MYO18B: variants seen among roughly 807,000 people sequenced by gnomAD.
MYO18B encodes the protein unconventional myosin-XVIIIb.
Under a neutral mutation model 273.0 loss-of-function variants are expected in MYO18B, and 204 were observed. That is an observed-to-expected ratio of 0.75 (90% CI 0.67 to 0.84). The LOEUF is 0.84. MYO18B is among the 40% of genes least tolerant of loss of function. The probability of loss-of-function intolerance (pLI) is 0.00; values close to 1 mark genes in which losing one functional copy is unlikely to be tolerated. For missense variants in MYO18B, 3,212 were observed against 3,287.6 expected (o/e 0.98, Z 0.56); for synonymous variants, 1,330 against 1,305.7 (o/e 1.02, Z -0.40).
At chr22:25,755,664 C>G (rs549913128) in intron 1 of MYO18B, among the ~76,000 whole-genome samples, 4 of 152,296 alleles carry the variant, frequency 2.6e-5, no homozygotes, top group Non-Finnish European at 4.4e-5. Context: ...TTGGTGCCCA[C>G]CCTGGGTTAA....
chr22:25,777,629 T>C lies in MYO18B; in HGVS notation c.1916T>C (p.Met639Thr), dbSNP rs2086966847. 3 of 1,609,838 alleles carry C rather than the reference T, an allele frequency of 1.9e-6. No individual in the cohort carries two copies. The highest frequency in any genetic ancestry group is 4.5e-5 in the East Asian group (2 of 44,760). Residue 639 changes from methionine (M) to threonine (T), a missense_variant, in exon 8 of 44, where the codon ATG (methionine) becomes ACG (threonine). Met to Thr is a moderately conservative substitution (Grantham distance 81). Transcript: ENST00000335473. Reference protein sequence around the residue: ...RDGLPAHIGSMAQRAYWALLN... With the variant: ...RDGLPAHIGSTAQRAYWALLN... ...GGCCTGCCTGCCCACATTGGCTCCA[T>C]GGCACAGCGGGCATACTGGGCGCTG...
intron 17 of MYO18B, among the ~76,000 whole-genome samples, chr22:25,836,712 G>A (rs1193027152): frequency 6.6e-6 from 1 of 152,096 alleles, no homozygotes; most frequent in Non-Finnish European, 1.5e-5. Flanking sequence ...TGTAATCACA[G>A]CACTTTGGGA....
At chr22:25,916,748 G>A (rs1215981996) in intron 33 of MYO18B, among the ~76,000 whole-genome samples, 2 of 152,102 alleles carry the variant, frequency 1.3e-5, no homozygotes, top group East Asian at 1.9e-4. Flanking sequence ...AGGATTGTGT[G>A]TGGCTGGGCA....
chr22:25,874,487 A>C, intron 23 of MYO18B, 73 bp downstream of exon 23: 1 of 1,539,164 alleles, frequency 6.5e-7, no homozygotes, highest in Non-Finnish European at 8.8e-7. Context: ...CCTGTCTTTC[A>C]GGATGATACC....
At chr22:25,769,859 A>ATT (rs57200528) in intron 4 of MYO18B, among the ~76,000 whole-genome samples, 77 of 144,834 alleles carry the variant, frequency 5.3e-4, no homozygotes, top group African/African-American at 1.6e-3. Context: ...TTTATGTAGT[A>ATT]TTTTTTTTTT....
intron 41 of MYO18B, 22 bp from the exon 42 acceptor site, chr22:26,004,696 G>T: frequency 6.2e-7 from 1 of 1,612,642 alleles, no homozygotes; most frequent in Non-Finnish European, 8.5e-7. Context: ...TGTGCTGATG[G>T]TGTCCTGCAA....
chr22:25,908,186 A>G, intron 31 of MYO18B, 136 bp from the exon 32 acceptor site: 1 of 663,224 alleles, frequency 1.5e-6, no homozygotes, highest in African/African-American at 1.8e-5. Context: ...ATCTTCCAGG[A>G]TGCCTAGGGC....
intron 21 of MYO18B, among the ~76,000 whole-genome samples, chr22:25,867,508 T>G (rs1258244687): frequency 1.3e-5 from 2 of 152,242 alleles, no homozygotes; most frequent in Non-Finnish European, 2.9e-5. Flanking sequence ...ATAGACCACA[T>G]AGTGTTTATC....
At chr22:25,808,060 C>T (rs924820706) in intron 12 of MYO18B, among the ~76,000 whole-genome samples, 3 of 152,122 alleles carry the variant, frequency 2.0e-5, no homozygotes, top group Admixed American at 6.5e-5. Context: ...TGGAATGGCT[C>T]CTGAGACTTT....
In MYO18B at chr22:26,004,840, G is replaced by T. The variant is rs747093123; in HGVS notation, c.6455G>T (p.Arg2152Leu). ...TPSRQSATSS[R>L]ILSPRINEEA... Reference sequence around the variant, plus strand: ...TCTCGACAGTCAGCCACCAGCAGCCGCATCCTCAGCCCCAGGTAAGAGTAT... The same window carrying T: ...TCTCGACAGTCAGCCACCAGCAGCCTCATCCTCAGCCCCAGGTAAGAGTAT... Residue 2152 changes from arginine (R) to leucine (L), a missense_variant, in exon 42 of 44, where the codon CGC (arginine) becomes CTC (leucine). Transcript: ENST00000335473. 6.2e-7 allele frequency: 1 copy of T among 1,613,434 alleles called. No individual in the cohort carries two copies.
intron 12 of MYO18B, among the ~76,000 whole-genome samples, chr22:25,806,183 C>T (rs956428318): frequency 2.6e-5 from 4 of 152,080 alleles, no homozygotes; most frequent in Non-Finnish European, 5.9e-5. Context: ...AATGGAGGTG[C>T]GATGAGGGAT....
At chr22:25,992,219 G>A in intron 39 of MYO18B, 144 bp from the exon 40 acceptor site, 1 of 925,566 alleles carries the variant, frequency 1.1e-6, no homozygotes, top group Non-Finnish European at 1.6e-6. Context: ...TGTCCGCAGA[G>A]AGAGCCTCTC....
At chr22:25,800,959 G>A (rs1375685189) in intron 12 of MYO18B, among the ~76,000 whole-genome samples, 2 of 152,192 alleles carry the variant, frequency 1.3e-5, no homozygotes, top group Non-Finnish European at 2.9e-5. Context: ...AAGAGCTGCC[G>A]TCAGTCTGCC....
intron 36 of MYO18B, among the ~76,000 whole-genome samples, chr22:25,949,710 CAAAG>C (rs1427098502): frequency 2.0e-5 from 3 of 152,152 alleles, no homozygotes; most frequent in Non-Finnish European, 4.4e-5. Context: ...ATTTTTGCCT[CAAAG>C]AGAGGTTAAT....
chr22:26,054,836 GAGA>G, the MYO18B span, among the ~76,000 whole-genome samples: 1 of 152,212 alleles, frequency 6.6e-6, no homozygotes, highest in Non-Finnish European at 1.5e-5. Flanking sequence ...CCTTAGTCCA[GAGA>G]CTGTGCCTCT....
Position 25,843,819 on chromosome 22 carries a change from T to A in MYO18B, c.3293T>A (p.Leu1098His). Residue 1098 changes from leucine (L) to histidine (H), a missense_variant, in exon 18 of 44, where the codon CTC (leucine) becomes CAC (histidine). By Grantham distance (99) the Leu-to-His change is moderately conservative. Transcript: ENST00000335473. Reference sequence around the variant, plus strand: ...GGATGGGACCCTGTGCGGTACGACCTCACGGGCTGGCTCCACAGAGCCAAG... The same window carrying A: ...GGATGGGACCCTGTGCGGTACGACCACACGGGCTGGCTCCACAGAGCCAAG... ...QLGWDPVRYD[L>H]TGWLHRAKPN... 6.2e-7 allele frequency: 1 copy of A among 1,613,868 alleles called. No individual in the cohort carries two copies. Among genetic ancestry groups the A allele is most frequent in the Non-Finnish European group, 8.5e-7 (1 of 1,179,758 alleles).
chr22:25,841,737 C>T (rs1244159067), intron 17 of MYO18B, among the ~76,000 whole-genome samples: 1 of 152,234 alleles, frequency 6.6e-6, no homozygotes, highest in Non-Finnish European at 1.5e-5. Context: ...CGGTCACGAT[C>T]CTCATTCAGA....
intron 21 of MYO18B, among the ~76,000 whole-genome samples, chr22:25,861,120 G>C (rs554425963): frequency 1.3e-5 from 2 of 152,256 alleles, no homozygotes; most frequent in South Asian, 4.2e-4. Context: ...CTGGGCTCCA[G>C]CAATCCTCTG....
rs377156253 is a variant in MYO18B, at chr22:25,952,304, C to T, written c.5851C>T (p.Arg1951Cys). 57 of 1,609,922 alleles carry T rather than the reference C, an allele frequency of 3.5e-5. No homozygotes were observed. In the South Asian group the frequency reaches 3.9e-4, roughly 11 times the overall value. Residue 1951 changes from arginine (R) to cysteine (C), a missense_variant, in exon 38 of 44, where the codon CGC becomes TGC. Transcript: ENST00000335473. ...LQEQLQVAQM[R>C]IEYLEQSTVD... Reference sequence around the variant, plus strand: ...CTTACAGCTGCAGGTGGCTCAGATGCGCATCGAGTACCTGGAACAGTCCAC... The same window carrying T: ...CTTACAGCTGCAGGTGGCTCAGATGTGCATCGAGTACCTGGAACAGTCCAC...
Sources: gnomAD v4.1 joint callset for allele counts (sites outside exome capture counted in the v4.1 genomes callset) on GRCh38, gnomAD v4.1.1 for gene constraint, MANE v1.5 for transcripts, NCBI Gene and HGNC (gene_info 2026-07-23, HGNC 2026-07-21) for gene names.